The following NAV3 variants were observed in gnomAD, a reference collection of about 807,000 sequenced individuals.
NAV3 encodes pore membrane and/or filament interacting like protein 1.
In NAV3, 87 loss-of-function variants were observed where a neutral mutation model predicts 244.7. That is an observed-to-expected ratio of 0.36 (90% CI 0.30 to 0.42). The LOEUF is 0.42. NAV3 is among the 20% of genes least tolerant of loss of function. NAV3 has a pLI of 1.00. For synonymous variants in NAV3, 1,126 were observed against 1,042.2 expected, an observed-to-expected ratio of 1.08 and a Z score of -1.55; for missense variants, 2,663 against 2,893.3, an observed-to-expected ratio of 0.92 and a Z score of 1.83.
chr12:77,814,385 T>C (rs752088312), intron 2 of NAV3, among the ~76,000 whole-genome samples: 6 of 152,176 alleles, frequency 3.9e-5, no homozygotes, highest in Admixed American at 6.5e-5. Context: ...GGTTTGACAT[T>C]GAACTCTAAT....
At chr12:77,792,436 A>G (rs989059056) in intron 2 of NAV3, among the ~76,000 whole-genome samples, 16 of 152,184 alleles carry the variant, frequency 1.1e-4, no homozygotes, top group African/African-American at 3.6e-4. Flanking sequence ...CATGGTGGCC[A>G]TGAGTATGTG....
At chr12:77,744,205 G>T (rs1178610212) in intron 2 of NAV3, among the ~76,000 whole-genome samples, 1 of 151,924 alleles carries the variant, frequency 6.6e-6, no homozygotes, top group Non-Finnish European at 1.5e-5. Context: ...AGTGTGATAT[G>T]ATGAAAGGAT....
At chr12:78,115,797 C>T (rs949277513) in intron 12 of NAV3, among the ~76,000 whole-genome samples, 2 of 152,190 alleles carry the variant, frequency 1.3e-5, no homozygotes, top group Non-Finnish European at 2.9e-5. Context: ...GGCTATACCA[C>T]ATACCTTAGG....
At chr12:78,018,250 T>TA (rs1876563875) in intron 8 of NAV3, among the ~76,000 whole-genome samples, 1 of 152,144 alleles carries the variant, frequency 6.6e-6, no homozygotes, top group Admixed American at 6.6e-5. Flanking sequence ...ACAAAAATTT[T>TA]AAAAAGGCTT....
At chr12:78,119,987 A>G (rs300443) in intron 15 of NAV3, 42 bp downstream of exon 15, 99,120 of 1,517,880 alleles carry the variant, frequency 0.065, 3,533 homozygotes, top group Admixed American at 0.075. Flanking sequence ...ATAAAGGATA[A>G]ATATGTGTTA....
chr12:77,859,805 A>G (rs1281089757), intron 1 of NAV3, among the ~76,000 whole-genome samples: 2 of 136,918 alleles, frequency 1.5e-5, no homozygotes, highest in Admixed American at 7.6e-5. Flanking sequence ...TCTTTTTGCT[A>G]TATCTTTCTA....
chr12:77,629,550 T>G (rs578149569), intron 2 of NAV3, among the ~76,000 whole-genome samples: 1 of 152,296 alleles, frequency 6.6e-6, no homozygotes, highest in Admixed American at 6.5e-5. Flanking sequence ...CTGGTTCTCT[T>G]TATCTCTTGC....
rs979401529 is a variant in NAV3, at chr12:78,079,719, A to G, written c.2636+20604A>G. Among the ~76,000 whole-genome samples the G allele has an allele frequency of 3.9e-5, 6 of 152,328 alleles. No homozygotes were observed. In the South Asian group the frequency reaches 6.2e-4, roughly 16 times the overall value. ...TATTTAGAGAATGGCTGGATACCCCAGTGCCCTGGTTTTATATCTGGAATA... is the reference window on the plus strand; with the variant it reads ...TATTTAGAGAATGGCTGGATACCCCGGTGCCCTGGTTTTATATCTGGAATA... On this transcript the variant is annotated intron_variant, in intron 12 of 39. Transcript: ENST00000397909.
intron 28 of NAV3, 86 bp from the exon 29 acceptor site, chr12:78,179,443 T>C: frequency 6.7e-7 from 1 of 1,503,008 alleles, no homozygotes; most frequent in Non-Finnish European, 9.1e-7. Flanking sequence ...CTGGAGAATA[T>C]TGCAGTGCAG....
At chr12:78,068,176 G>A (rs1885252923) in intron 12 of NAV3, among the ~76,000 whole-genome samples, 1 of 151,850 alleles carries the variant, frequency 6.6e-6, no homozygotes. Flanking sequence ...TATAAAGTAG[G>A]TTTTATTACT....
chr12:77,706,869 TCAAAAAAAAAAAAAAAAAAAAAAAC>T lies in NAV3; in HGVS notation c.72+134618_72+134642del, dbSNP rs1408110140. ...CTGGGCAACAGAGTGAGACTCTGTT[TCAAAAAAAAAAAAAAAAAAAAAAAC>T]CAAAAAAAAAAAAACTAGGAAAAAA... On this transcript the variant is annotated intron_variant, in intron 2 of 8. Transcript: ENST00000550042. Among the ~76,000 whole-genome samples the T allele has an allele frequency of 3.7e-4, 23 of 62,862 alleles. 1 individual carries two copies. The highest frequency in any genetic ancestry group is 1.3e-3 in the African/African-American group (17 of 13,262). The allele number at this position is 62,862 out of a possible 152,430, so 41.2% of individuals were successfully genotyped here.
At chr12:78,109,836 A>G (rs888201721) in intron 12 of NAV3, among the ~76,000 whole-genome samples, 47 of 152,078 alleles carry the variant, frequency 3.1e-4, no homozygotes, top group African/African-American at 9.9e-4. Context: ...CAGAGCTAAT[A>G]TCATACAGAA....
At chr12:77,789,305 T>C (rs1380595434) in intron 2 of NAV3, among the ~76,000 whole-genome samples, 5 of 10,410 alleles carry the variant, frequency 4.8e-4, no homozygotes, top group African/African-American at 5.9e-4. Context: ...TATTAATCTT[T>C]AGCCCTTCCT....
intron 2 of NAV3, among the ~76,000 whole-genome samples, chr12:77,669,477 CA>C: frequency 6.6e-6 from 1 of 152,178 alleles, no homozygotes; most frequent in South Asian, 2.1e-4. Context: ...CATCAGGACT[CA>C]CATAAACTTA....
intron 5 of NAV3, 144 bp from the exon 6 acceptor site, chr12:77,994,659 A>G (rs1872048939): frequency 3.4e-6 from 2 of 586,466 alleles, no homozygotes; most frequent in Admixed American, 6.7e-5. Flanking sequence ...CATTACCATA[A>G]TTTTCTAATT....
chr12:77,992,431 T>A (rs1370957035), intron 5 of NAV3, among the ~76,000 whole-genome samples: 7 of 152,186 alleles, frequency 4.6e-5, no homozygotes. Context: ...AGTCAGCTGT[T>A]GAGATTTTCA....
Position 78,210,411 on chromosome 12 carries a change from T to G in NAV3, c.7052T>G (p.Met2351Arg). ...TTCTTTCTTCAGATGAATATGCTAA[T>G]GAAACTCCAAGAAGCAGCCAATTAC... ...TEGDPLMNML[M>R]KLQEAANYSS... Residue 2351 changes from methionine (M) to arginine (R), a missense_variant, in exon 40 of 40, where the codon ATG becomes AGG. This residue lies in a region of NAV3 where 543 missense variants were observed against 672.4 expected (regional missense o/e 0.81). Transcript: ENST00000397909. 6.2e-7 allele frequency: 1 copy of G among 1,613,598 alleles called. No homozygotes were observed. The highest frequency in any genetic ancestry group is 1.1e-5 in the South Asian group (1 of 91,076).
At chr12:77,616,997 G>T (rs1215756715) in intron 2 of NAV3, among the ~76,000 whole-genome samples, 1 of 152,102 alleles carries the variant, frequency 6.6e-6, no homozygotes, top group Non-Finnish European at 1.5e-5. Context: ...GCATTGACAT[G>T]ATACTAAATA....
intron 2 of NAV3, among the ~76,000 whole-genome samples, chr12:77,677,787 A>T (rs1874273962): frequency 6.6e-6 from 1 of 152,206 alleles, no homozygotes; most frequent in African/African-American, 2.4e-5. Flanking sequence ...CTATTTTTTT[A>T]GGTCTAAACA....
Sources: gnomAD v4.1 joint callset for allele counts (sites outside exome capture counted in the v4.1 genomes callset) on GRCh38, gnomAD v4.1.1 for gene constraint, gnomAD v4.1.1 regional missense constraint, MANE v1.5 for transcripts, NCBI Gene and HGNC (gene_info 2026-07-23, HGNC 2026-07-21) for gene names.